The following PTPRR variants were observed in gnomAD, a reference collection of about 807,000 sequenced individuals.
PTPRR encodes receptor-type tyrosine-protein phosphatase R.
In PTPRR, 38 loss-of-function variants were observed where a neutral mutation model predicts 77.2. The observed-to-expected ratio is 0.49, with a 90% CI of 0.38 to 0.65. The LOEUF is 0.65. PTPRR is among the 30% of genes least tolerant of loss of function. The pLI is 0.00. For missense variants in PTPRR, 744 were observed against 799.2 expected (o/e 0.93, Z 0.83); for synonymous variants, 299 against 283.1 (o/e 1.06, Z -0.57).
chr12:70,642,992 T>C (rs1886063418), intron 13 of PTPRR, among the ~76,000 whole-genome samples: 1 of 152,124 alleles, frequency 6.6e-6, no homozygotes, highest in South Asian at 2.1e-4. Flanking sequence ...GTAACATAGT[T>C]AGACCCTGTC....
intron 6 of PTPRR, among the ~76,000 whole-genome samples, chr12:70,730,934 CAGAA>C (rs773731577): frequency 3.0e-4 from 38 of 127,112 alleles, no homozygotes; most frequent in Admixed American, 5.7e-4. Context: ...GAGAGAGAGA[CAGAA>C]GGAAGGAAAG....
At chr12:70,819,959 T>C (rs1276881563) in intron 2 of PTPRR, among the ~76,000 whole-genome samples, 1 of 152,178 alleles carries the variant, frequency 6.6e-6, no homozygotes, top group Non-Finnish European at 1.5e-5. Flanking sequence ...AAAGATCAAC[T>C]ATTTTTTGAA....
At chr12:70,882,741 T>G (rs1893170920) in intron 2 of PTPRR, among the ~76,000 whole-genome samples, 1 of 152,172 alleles carries the variant, frequency 6.6e-6, no homozygotes, top group Non-Finnish European at 1.5e-5. Context: ...CTTCATATCC[T>G]CAAGTGTTTG....
At chr12:70,873,855 T>C (rs367814165) in intron 2 of PTPRR, among the ~76,000 whole-genome samples, 257 of 152,252 alleles carry the variant, frequency 1.7e-3, no homozygotes, top group Middle Eastern at 0.01. Context: ...TGTTTGTGAA[T>C]GTGAGTGTTG....
chr12:70,829,028 A>T (rs561121557), intron 2 of PTPRR, among the ~76,000 whole-genome samples: 1 of 152,282 alleles, frequency 6.6e-6, no homozygotes, highest in South Asian at 2.1e-4. Context: ...AAACCTATGA[A>T]TATAGTCCAC....
intron 10 of PTPRR, among the ~76,000 whole-genome samples, chr12:70,674,399 G>A (rs1383450502): frequency 6.6e-6 from 1 of 151,854 alleles, no homozygotes; most frequent in Non-Finnish European, 1.5e-5. Flanking sequence ...TTCCTTCTAT[G>A]AGCATTTTTA....
intron 2 of PTPRR, among the ~76,000 whole-genome samples, chr12:70,827,269 A>C (rs1346987273): frequency 3.3e-5 from 5 of 152,218 alleles, no homozygotes; most frequent in Non-Finnish European, 7.3e-5. Flanking sequence ...TGTCTAGCAC[A>C]TAGCAGGTAC....
intron 2 of PTPRR, among the ~76,000 whole-genome samples, chr12:70,807,199 T>C (rs1259017568): frequency 6.6e-6 from 1 of 152,166 alleles, no homozygotes; most frequent in Non-Finnish European, 1.5e-5. Context: ...ATGCAAAGGA[T>C]AGACAAGTAA....
At chr12:70,798,916 C>T (rs1323797701) in intron 2 of PTPRR, among the ~76,000 whole-genome samples, 1 of 152,088 alleles carries the variant, frequency 6.6e-6, no homozygotes, top group African/African-American at 2.4e-5. Flanking sequence ...ATCCTAGTCC[C>T]TGGTACATAA....
chr12:70,804,139 C>CTGTGTG (rs58442488), intron 2 of PTPRR, among the ~76,000 whole-genome samples: 8,252 of 137,194 alleles, frequency 0.06, 283 homozygotes, highest in South Asian at 0.096. Context: ...GTTCCTGGCT[C>CTGTGTG]TGTGTGTGTG....
At chr12:70,783,873 GGGC>G (rs533029601) in intron 2 of PTPRR, among the ~76,000 whole-genome samples, 39 of 66,944 alleles carry the variant, frequency 5.8e-4, no homozygotes, top group African/African-American at 4.4e-3. Flanking sequence ...CGGGGGGGGG[GGGC>G]GGGGGGCGGG....
chr12:70,915,306 A>G (rs115573405), intron 1 of PTPRR, among the ~76,000 whole-genome samples: 1,532 of 152,344 alleles, frequency 0.01, 30 homozygotes, highest in African/African-American at 0.034. Context: ...GAAGTAGGTG[A>G]GAAATAAAGA....
chr12:70,665,621 A>G (rs1886963387), intron 10 of PTPRR, among the ~76,000 whole-genome samples: 1 of 151,596 alleles, frequency 6.6e-6, no homozygotes, highest in South Asian at 2.1e-4. Flanking sequence ...ACCTCAGGTG[A>G]TCTGCCCACC....
At chr12:70,749,642 T>C (rs1295968903) in intron 5 of PTPRR, among the ~76,000 whole-genome samples, 1 of 152,174 alleles carries the variant, frequency 6.6e-6, no homozygotes, top group Non-Finnish European at 1.5e-5. Flanking sequence ...TGACATGTAT[T>C]TATTACATGA....
chr12:70,700,046 C>A (rs1323637446), intron 7 of PTPRR, among the ~76,000 whole-genome samples: 3 of 152,150 alleles, frequency 2.0e-5, no homozygotes, highest in African/African-American at 7.2e-5. Flanking sequence ...GCTGTGTGAC[C>A]ACTGACTTGT....
rs185054224 is a variant in PTPRR at position 70,825,270 on chromosome 12, T to G, written c.358-60492A>C. 8.4e-4 allele frequency among the ~76,000 whole-genome samples: 128 copies of G among 151,926 alleles called. 2 individuals are homozygous for G. In the Middle Eastern group the frequency reaches 0.017, roughly 20 times the overall value. On this transcript the variant is annotated intron_variant, in intron 2 of 13. Transcript: ENST00000283228. Reference sequence around the variant, plus strand: ...TCCAGCCTGGGCGACAGAGCAAGATTCTAGTCTCAAAAAAATAAAAATAAA... The same window carrying G: ...TCCAGCCTGGGCGACAGAGCAAGATGCTAGTCTCAAAAAAATAAAAATAAA...
intron 5 of PTPRR, among the ~76,000 whole-genome samples, chr12:70,750,443 T>C (rs1890354851): frequency 6.6e-6 from 1 of 152,200 alleles, no homozygotes; most frequent in Non-Finnish European, 1.5e-5. Context: ...GGAATACATG[T>C]GTTTCAGAAT....
At chr12:70,730,407 A>G (rs1292628913) in intron 6 of PTPRR, among the ~76,000 whole-genome samples, 2 of 152,126 alleles carry the variant, frequency 1.3e-5, no homozygotes, top group Non-Finnish European at 2.9e-5. Context: ...GCTACTTGGG[A>G]GACTGAGGCA....
intron 4 of PTPRR, among the ~76,000 whole-genome samples, chr12:70,756,655 G>T (rs1464271602): frequency 6.6e-6 from 1 of 152,240 alleles, no homozygotes; most frequent in Admixed American, 6.5e-5. Flanking sequence ...AGTGAAAGAA[G>T]CTGATGGGTT....
Sources: gnomAD v4.1 joint callset for allele counts (sites outside exome capture counted in the v4.1 genomes callset) on GRCh38, gnomAD v4.1.1 for gene constraint, MANE v1.5 for transcripts, NCBI Gene and HGNC (gene_info 2026-07-23, HGNC 2026-07-21) for gene names.